Variants in DENND4C observed in about 807,000 individuals in gnomAD.
The protein encoded by DENND4C is DENN domain-containing protein 4C.
DENND4C carries 108 observed loss-of-function variants against 203.0 expected under a neutral mutation model. That is an observed-to-expected ratio of 0.53 (90% CI 0.46 to 0.62). DENND4C has a LOEUF of 0.62. DENND4C is among the 20% of genes least tolerant of loss of function. The probability of loss-of-function intolerance (pLI) is 0.00; values close to 1 mark genes in which losing one functional copy is unlikely to be tolerated. For missense variants in DENND4C, 2,481 were observed against 2,301.2 expected, an observed-to-expected ratio of 1.08 and a Z score of -1.60; for synonymous variants, 871 against 792.4, an observed-to-expected ratio of 1.10 and a Z score of -1.67.
intron 26 of DENND4C, among the ~76,000 whole-genome samples, chr9:19,353,131 CTT>C (rs1342552510): frequency 6.6e-6 from 1 of 152,166 alleles, no homozygotes; most frequent in Admixed American, 6.6e-5. Flanking sequence ...CAACTCTTCT[CTT>C]GTCACTTGCA....
chr9:19,331,652 A>G (rs1819219262), intron 16 of DENND4C, among the ~76,000 whole-genome samples: 1 of 152,222 alleles, frequency 6.6e-6, no homozygotes, highest in Non-Finnish European at 1.5e-5. Context: ...TTTTTCACCC[A>G]TCAAAAATGA....
intron 5 of DENND4C, among the ~76,000 whole-genome samples, chr9:19,295,561 G>C (rs1171594455): frequency 6.6e-6 from 1 of 151,438 alleles, no homozygotes; most frequent in African/African-American, 2.4e-5. Context: ...TGTAATGCCA[G>C]CTACTCGGGA....
At chr9:19,369,787 A>T in intron 30 of DENND4C, 50 bp from the exon 31 acceptor site, 1 of 1,096,260 alleles carries the variant, frequency 9.1e-7, no homozygotes, top group Non-Finnish European at 1.2e-6. Flanking sequence ...AAATAATAAT[A>T]ATAATAATAG....
At chr9:19,319,841 T>G (rs758081786) in intron 12 of DENND4C, among the ~76,000 whole-genome samples, 6 of 152,194 alleles carry the variant, frequency 3.9e-5, no homozygotes, top group African/African-American at 7.2e-5. Flanking sequence ...CAGAGAAATA[T>G]TCCTTGAAGA....
intron 23 of DENND4C, among the ~76,000 whole-genome samples, chr9:19,350,168 A>C (rs998822983): frequency 6.6e-6 from 1 of 152,236 alleles, no homozygotes; most frequent in Non-Finnish European, 1.5e-5. Flanking sequence ...TCTTGGCTCT[A>C]ATATTGATAT....
chr9:19,300,062 G>C (rs1838240324), intron 8 of DENND4C, 125 bp from the exon 9 acceptor site: 2 of 979,364 alleles, frequency 2.0e-6, no homozygotes, highest in Admixed American at 3.1e-5. Flanking sequence ...ACTTTTCATT[G>C]ATAAATAAGT....
At chr9:19,234,494 T>C (rs1308383215) in intron 1 of DENND4C, among the ~76,000 whole-genome samples, 2 of 150,802 alleles carry the variant, frequency 1.3e-5, no homozygotes, top group Non-Finnish European at 2.9e-5. Context: ...CCTCCCAAAA[T>C]GCTGGGATTA....
rs1168647021 is a variant in DENND4C, at chr9:19,326,895, A to G, written c.2120+701A>G. Among the ~76,000 whole-genome samples, 5 of 152,062 alleles carry G rather than the reference A, an allele frequency of 3.3e-5. No individual in the cohort carries two copies. The South Asian group carries it at 8.3e-4, about 25-fold the overall frequency. Reference sequence around the variant, plus strand: ...TTATCATTTGTAATGACCACATTGTATGCATTTATTATGATTTATTTAACT... The same window carrying G: ...TTATCATTTGTAATGACCACATTGTGTGCATTTATTATGATTTATTTAACT... On this transcript the variant is annotated intron_variant, in intron 15 of 32. Transcript: ENST00000434457.
chr9:19,254,879 C>T (rs1827546780), intron 1 of DENND4C, among the ~76,000 whole-genome samples: 2 of 152,210 alleles, frequency 1.3e-5, no homozygotes, highest in Admixed American at 6.5e-5. Flanking sequence ...TGCCTGTAAC[C>T]CCCGCACTTT....
chr9:19,237,897 A>T (rs1822427382), intron 1 of DENND4C, among the ~76,000 whole-genome samples: 1 of 152,170 alleles, frequency 6.6e-6, no homozygotes, highest in South Asian at 2.1e-4. Context: ...ATTATTCAAT[A>T]TGTGTAGTAA....
rs1030061288 is a variant in DENND4C at position 19,372,314 on chromosome 9, T to C, written c.*141T>C. The C allele has an allele frequency of 7.0e-6, 7 of 996,340 alleles. No individual in the cohort carries two copies. Among genetic ancestry groups the C allele is most frequent in the East Asian group, 5.1e-5 (2 of 39,576 alleles). The allele number at this position is 996,340 out of a possible 1,614,324, so 61.7% of individuals were successfully genotyped here. ...CTTGGGGACAATATATAATGAATTA[T>C]GATTCATATTGCATTACCTTGAAAT... On this transcript the variant is annotated 3_prime_UTR_variant, in exon 33 of 33. Transcript: ENST00000434457.
At chr9:19,293,780 G>A (rs10738534) in intron 5 of DENND4C, among the ~76,000 whole-genome samples, 72,972 of 152,030 alleles carry the variant, frequency 0.48, 18,229 homozygotes, top group South Asian at 0.57. Context: ...CCACTTACAC[G>A]GACTGTGGCA....
chr9:19,341,604 C>G (rs1455182853), intron 21 of DENND4C, among the ~76,000 whole-genome samples: 1 of 152,062 alleles, frequency 6.6e-6, no homozygotes, highest in Non-Finnish European at 1.5e-5. Flanking sequence ...GCCACCACAC[C>G]TGGCTGTAAG....
chr9:19,261,470 ACTTTGAGT>A (rs767157421), intron 1 of DENND4C, among the ~76,000 whole-genome samples: 3 of 149,166 alleles, frequency 2.0e-5, no homozygotes, highest in Non-Finnish European at 3.0e-5. Flanking sequence ...TTTTTAAACA[ACTTTGAGT>A]CTTTCAATCC....
chr9:19,266,066 C>T (rs1241291749), intron 1 of DENND4C, among the ~76,000 whole-genome samples: 2 of 152,132 alleles, frequency 1.3e-5, no homozygotes, highest in Non-Finnish European at 2.9e-5. Context: ...GTTTACAGTC[C>T]CACCAACAGT....
rs116277787 is a variant in DENND4C, at chr9:19,306,665, G to T, written c.1487+1138G>T. On this transcript the variant is annotated intron_variant, in intron 10 of 32. Transcript: ENST00000434457. ...ATAATATGGAGATTCTTAATTTTGC[G>T]CAGTTTTGAGTAACTTTTATAAAAC... is the stretch of plus-strand genomic sequence containing the variant. 1.7e-4 allele frequency among the ~76,000 whole-genome samples: 26 copies of T among 151,334 alleles called. 1 individual carries two copies. Among genetic ancestry groups the T allele is most frequent in the Non-Finnish European group, 3.7e-4 (25 of 67,882 alleles).
chr9:19,260,563 A>G (rs992682192), intron 1 of DENND4C, among the ~76,000 whole-genome samples: 2 of 151,934 alleles, frequency 1.3e-5, no homozygotes, highest in African/African-American at 4.8e-5. Flanking sequence ...ACACCCGGCT[A>G]ATTTTTGTAT....
chr9:19,365,152 G>C (rs1382416858), intron 30 of DENND4C, among the ~76,000 whole-genome samples: 1 of 152,058 alleles, frequency 6.6e-6, no homozygotes, highest in African/African-American at 2.4e-5. Context: ...TAAAAATCGT[G>C]AATAAAATAC....
chr9:19,287,878 G>T (rs940117931), intron 3 of DENND4C, among the ~76,000 whole-genome samples: 1 of 152,138 alleles, frequency 6.6e-6, no homozygotes, highest in Non-Finnish European at 1.5e-5. Flanking sequence ...GGCTACGGGC[G>T]TGCGCCACTA....
Sources: gnomAD v4.1 joint callset for allele counts (sites outside exome capture counted in the v4.1 genomes callset) on GRCh38, gnomAD v4.1.1 for gene constraint, MANE v1.5 for transcripts, NCBI Gene and HGNC (gene_info 2026-07-23, HGNC 2026-07-21) for gene names.